KLHL3: variants seen among roughly 807,000 people sequenced by gnomAD.
KLHL3 encodes kelch like family member 3.
KLHL3 carries 19 observed loss-of-function variants against 70.5 expected under a neutral mutation model. The observed-to-expected ratio is 0.27, with a 90% CI of 0.19 to 0.40. KLHL3 has a LOEUF of 0.40. Ranked by LOEUF, KLHL3 falls within the 10% of genes least tolerant of loss-of-function variation. The probability of loss-of-function intolerance (pLI) is 1.00; values close to 1 mark genes in which losing one functional copy is unlikely to be tolerated. For synonymous variants in KLHL3, 258 were observed against 290.3 expected (o/e 0.89, Z 1.13); for missense variants, 512 against 771.1 (o/e 0.66, Z 3.98).
intron 3 of KLHL3, among the ~76,000 whole-genome samples, chr5:137,704,817 C>T (rs1284706961): frequency 6.6e-6 from 1 of 152,228 alleles, no homozygotes; most frequent in Non-Finnish European, 1.5e-5. Context: ...GCTCCCTCAC[C>T]TTCAAATCTG....
intron 1 of KLHL3, among the ~76,000 whole-genome samples, chr5:137,731,432 C>T (rs567339673): frequency 6.6e-6 from 1 of 152,316 alleles, no homozygotes; most frequent in African/African-American, 2.4e-5. Context: ...ACTTGCTCTT[C>T]CCTGGGTCTT....
chr5:137,639,927 C>G lies in KLHL3; in HGVS notation c.954G>C (p.Glu318Asp). The G allele has an allele frequency of 6.2e-7, 1 of 1,614,198 alleles. No homozygotes were observed. The highest frequency in any genetic ancestry group is 8.5e-7 in the Non-Finnish European group (1 of 1,180,026). Residue 318 changes from glutamate to aspartate, a missense_variant, in exon 9 of 15, where the codon GAG becomes GAC. Glu to Asp is a conservative substitution (Grantham distance 45). Transcript: ENST00000309755. The surrounding 1 kb of genome is among the most constrained non-coding windows in gnomAD (Gnocchi z 5.0). ...GQAPKAIRSV[E>D]CYDFEEDRWD... ...ACCGGTCCTCCTCGAAATCATAGCA[C>G]TCCACACTGCGGATTGCCTTGGGTG... is the stretch of plus-strand genomic sequence containing the variant.
chr5:137,679,380 C>T lies in KLHL3; in HGVS notation c.527-1726G>A, dbSNP rs540494330. 3.1e-4 allele frequency among the ~76,000 whole-genome samples: 47 copies of T among 152,272 alleles called. 1 individual carries two copies. The highest frequency in any genetic ancestry group is 1.4e-3 in the Admixed American group (21 of 15,296). On this transcript the variant is annotated intron_variant, in intron 5 of 14. Coordinates refer to ENST00000309755, the MANE Select transcript of KLHL3 (RefSeq NM_017415.3). ...CACAGCTGAGCTCAGCAGGACCACA[C>T]GGTTCTCAGGAGAGTCCTGCAAACC...
At chr5:137,626,190 G>A (rs573334077) in intron 13 of KLHL3, among the ~76,000 whole-genome samples, 1 of 152,238 alleles carries the variant, frequency 6.6e-6, no homozygotes, top group South Asian at 2.1e-4. Flanking sequence ...TAAGTATGTA[G>A]AGCATATGGG....
At chr5:137,704,635 C>T (rs1752648408) in intron 3 of KLHL3, among the ~76,000 whole-genome samples, 2 of 152,184 alleles carry the variant, frequency 1.3e-5, no homozygotes, top group Non-Finnish European at 2.9e-5. Context: ...ACAAGTCTAC[C>T]TCAGACCATC....
intron 6 of KLHL3, among the ~76,000 whole-genome samples, chr5:137,662,664 A>T (rs547473731): frequency 6.6e-6 from 1 of 152,162 alleles, no homozygotes; most frequent in Non-Finnish European, 1.5e-5. Flanking sequence ...TTGGATGTTC[A>T]CTCTACTCAA....
rs906818753 is a variant in KLHL3 at position 137,643,883 on chromosome 5, T to C, written c.904-3906A>G. On this transcript the variant is annotated intron_variant, in intron 8 of 14. Transcript: ENST00000309755. Reference sequence around the variant, plus strand: ...ATCCATTGATCACCCCCATCTCCCCTCCCTCCTCCCTTCCCCAGCCTCTGA... The same window carrying C: ...ATCCATTGATCACCCCCATCTCCCCCCCCTCCTCCCTTCCCCAGCCTCTGA... Among the ~76,000 whole-genome samples the C allele has an allele frequency of 2.6e-5, 4 of 151,956 alleles. No homozygotes were observed. The South Asian group carries it at 6.2e-4, about 24-fold the overall frequency.
chr5:137,625,829 C>T lies in KLHL3; in HGVS notation c.1659G>A (p.Ser553=), dbSNP rs370087068. 52 of 1,614,128 alleles carry T rather than the reference C, an allele frequency of 3.2e-5. No individual in the cohort carries two copies. In the African/African-American group the frequency reaches 5.3e-4, roughly 17 times the overall value. ...GGDDGSCNLA[S]VEYYNPVTDK... is the part of the protein sequence containing the mutation. ...CAGTGACAGGATTGTAGTACTCCAC[C>T]GAAGCCAAGTTGCAGGATCCATCAT... Residue 553 remains serine (S), a synonymous_variant, in exon 14 of 15, where the codon TCG becomes TCA. Transcript: ENST00000309755.
At chr5:137,646,684 G>C (rs1052623144) in intron 8 of KLHL3, among the ~76,000 whole-genome samples, 1 of 152,060 alleles carries the variant, frequency 6.6e-6, no homozygotes, top group African/African-American at 2.4e-5. Flanking sequence ...CCCAGGCCCA[G>C]GGAGTTCAAC....
intron 6 of KLHL3, among the ~76,000 whole-genome samples, chr5:137,670,717 C>T (rs1012058360): frequency 5.9e-5 from 9 of 152,052 alleles, no homozygotes; most frequent in African/African-American, 2.2e-4. Context: ...CGCCTGTAAT[C>T]CCAGCACTTT....
At chr5:137,715,317 A>G (rs1005161358) in intron 2 of KLHL3, among the ~76,000 whole-genome samples, 20 of 152,240 alleles carry the variant, frequency 1.3e-4, no homozygotes, top group African/African-American at 4.8e-4. Flanking sequence ...TGTGAAAGCA[A>G]TGCAAGAAAT....
At chr5:137,698,479 C>T in intron 3 of KLHL3, 71 bp from the exon 4 acceptor site, 1 of 1,576,604 alleles carries the variant, frequency 6.3e-7, no homozygotes, top group East Asian at 2.2e-5. Flanking sequence ...CAGATGGTCT[C>T]CTGCCCTGTC....
intron 4 of KLHL3, 157 bp from the exon 5 acceptor site, chr5:137,692,604 C>T (rs948203560): frequency 4.5e-6 from 3 of 662,786 alleles, no homozygotes; most frequent in Admixed American, 4.9e-5. Flanking sequence ...AGCCTTATTT[C>T]CCACTACTCT....
At chr5:137,690,326 CA>C (rs35864411) in intron 5 of KLHL3, among the ~76,000 whole-genome samples, 1,830 of 140,636 alleles carry the variant, frequency 0.013, 35 homozygotes, top group African/African-American at 0.04. Context: ...GACTCCATCT[CA>C]AAAAAAAAAA....
intron 6 of KLHL3, among the ~76,000 whole-genome samples, chr5:137,672,177 G>A (rs908709186): frequency 1.3e-5 from 2 of 152,226 alleles, no homozygotes; most frequent in African/African-American, 4.8e-5. Flanking sequence ...GTAAGGCAGG[G>A]CTGCCAACAG....
At chr5:137,683,257 CCAAT>C (rs1218483636) in intron 5 of KLHL3, among the ~76,000 whole-genome samples, 1 of 152,038 alleles carries the variant, frequency 6.6e-6, no homozygotes, top group East Asian at 1.9e-4. Flanking sequence ...TTGTGTTTTA[CCAAT>C]CAGAGATGAA....
rs1752984963 is a variant in KLHL3 at position 137,720,950 on chromosome 5, G to A, written c.15-366C>T. ...TTTACTGGAGGCTACTATGTGCCAG[G>A]CACTGCGTTTAGATTTAAGGGAAAC... On this transcript the variant is annotated intron_variant, in intron 1 of 14. Transcript: ENST00000309755. The A allele has an allele frequency of 5.3e-6, 5 of 948,978 alleles. No homozygotes were observed. In the African/African-American group the frequency reaches 5.3e-5, roughly 10 times the overall value. The allele number at this position is 948,978 out of a possible 1,614,324, so 58.8% of individuals were successfully genotyped here.
chr5:137,622,508 C>T (rs1026369313), intron 14 of KLHL3, among the ~76,000 whole-genome samples: 4 of 152,232 alleles, frequency 2.6e-5, no homozygotes, highest in African/African-American at 9.6e-5. Flanking sequence ...GGTGATTCAT[C>T]TCTACTTTTA....
rs183784339 is a variant in KLHL3, at chr5:137,636,985, C to A, written c.1321+309G>T. ...TTATATGCTGAATATGGATTCCCTA[C>A]TCCCTTCCCTTCCCCAACTTCTAGC... On this transcript the variant is annotated intron_variant, in intron 11 of 14. Transcript: ENST00000309755. 1.9e-4 allele frequency among the ~76,000 whole-genome samples: 29 copies of A among 152,322 alleles called. No homozygotes were observed. In the South Asian group the frequency reaches 3.3e-3, roughly 17 times the overall value.
Sources: gnomAD v4.1 joint callset for allele counts (sites outside exome capture counted in the v4.1 genomes callset) on GRCh38, gnomAD v4.1.1 for gene constraint, Gnocchi (gnomAD v3.1) non-coding constraint, MANE v1.5 for transcripts, NCBI Gene and HGNC (gene_info 2026-07-23, HGNC 2026-07-21) for gene names.